Variants in UGT3A1 observed in about 807,000 individuals in gnomAD.
The protein encoded by UGT3A1 is UDP glycosyltransferase family 3 member A1.
A neutral mutation model predicts 37.6 loss-of-function variants in UGT3A1; 40 were observed. The observed-to-expected ratio is 1.06, with a 90% CI of 0.83 to 1.38. The LOEUF (loss-of-function observed/expected upper bound fraction) is 1.38, where lower values mean the gene tolerates loss of function less well. Among genes scored for constraint, UGT3A1 ranks in the 40% most tolerant of loss-of-function variants. UGT3A1 has a pLI of 0.00. For synonymous variants in UGT3A1, 256 were observed against 232.3 expected, an observed-to-expected ratio of 1.10 and a Z score of -0.93; for missense variants, 642 against 634.2, an observed-to-expected ratio of 1.01 and a Z score of -0.13.
At chr5:35,994,961 G>A (rs1741060146), upstream of UGT3A1, among the ~76,000 whole-genome samples, 5 of 152,156 alleles carry the variant, frequency 3.3e-5, no homozygotes, top group Admixed American at 3.3e-4. Context: ...CTTTTGATAT[G>A]CCCAAATTAG....
intron 2 of UGT3A1, among the ~76,000 whole-genome samples, chr5:35,983,978 T>C (rs1354415447): frequency 6.6e-6 from 1 of 152,182 alleles, no homozygotes; most frequent in Non-Finnish European, 1.5e-5. Context: ...AAGCCTTTCC[T>C]CTAAGATCTG....
chr5:35,974,717 G>A (rs921652450), intron 2 of UGT3A1, among the ~76,000 whole-genome samples: 1 of 152,192 alleles, frequency 6.6e-6, no homozygotes, highest in African/African-American at 2.4e-5. Flanking sequence ...CTATTGATCT[G>A]GCAAATTTTT....
At chr5:35,979,883 T>C (rs1410972576) in intron 2 of UGT3A1, among the ~76,000 whole-genome samples, 3 of 152,214 alleles carry the variant, frequency 2.0e-5, no homozygotes, top group African/African-American at 7.2e-5. Context: ...ATGTCTTACA[T>C]CACAGCAGGC....
chr5:35,989,481 G>T (rs116643537), intron 1 of UGT3A1, among the ~76,000 whole-genome samples: 4 of 152,184 alleles, frequency 2.6e-5, no homozygotes, highest in Admixed American at 2.6e-4. Flanking sequence ...GAAATAGTGC[G>T]CAGCTGTCTG....
intron 4 of UGT3A1, among the ~76,000 whole-genome samples, chr5:35,958,867 C>G (rs1001659993): frequency 2.0e-5 from 3 of 152,144 alleles, no homozygotes; most frequent in Non-Finnish European, 4.4e-5. Flanking sequence ...ACTGGTTTGT[C>G]TCACCTAATT....
chr5:35,953,879 G>A lies in UGT3A1; in HGVS notation c.*323C>T. ...TATGAAAAGTGATAGAAGGAGAAATGGGGACTGGAAACTGGGAAGTCATCT... is the reference window on the plus strand; with the variant it reads ...TATGAAAAGTGATAGAAGGAGAAATAGGGACTGGAAACTGGGAAGTCATCT... On this transcript the variant is annotated 3_prime_UTR_variant, in exon 7 of 7. Coordinates refer to ENST00000274278, the MANE Select transcript of UGT3A1 (RefSeq NM_152404.4). The A allele has an allele frequency of 3.9e-6, 1 of 259,166 alleles. No individual in the cohort carries two copies. The highest frequency in any genetic ancestry group is 7.4e-6 in the Non-Finnish European group (1 of 135,630). 16.1% of individuals were successfully genotyped at this position (259,166 alleles called of 1,614,324 possible).
intron 2 of UGT3A1, among the ~76,000 whole-genome samples, chr5:35,979,194 T>C (rs971149233): frequency 6.6e-6 from 1 of 152,022 alleles, no homozygotes; most frequent in East Asian, 1.9e-4. Context: ...CCCCACTATC[T>C]TGGGGATTAA....
intron 2 of UGT3A1, among the ~76,000 whole-genome samples, chr5:35,980,367 T>C (rs1740472135): frequency 6.6e-6 from 1 of 152,156 alleles, no homozygotes. Flanking sequence ...ATGGAGAAGG[T>C]AGCCACATCT....
intron 4 of UGT3A1, among the ~76,000 whole-genome samples, chr5:35,957,734 G>C (rs1449916178): frequency 6.6e-6 from 1 of 152,138 alleles, no homozygotes; most frequent in Non-Finnish European, 1.5e-5. Flanking sequence ...CACAGAAAAC[G>C]CTTTGATGAG....
chr5:35,993,914 CA>C (rs1561476134), upstream of UGT3A1, among the ~76,000 whole-genome samples: 2 of 32,466 alleles, frequency 6.2e-5, no homozygotes, highest in East Asian at 7.4e-4. Context: ...ATTAAACAAA[CA>C]AACAAACAAA....
At chr5:35,990,336 T>C (rs895223250) in intron 1 of UGT3A1, among the ~76,000 whole-genome samples, 1 of 152,042 alleles carries the variant, frequency 6.6e-6, no homozygotes, top group Non-Finnish European at 1.5e-5. Flanking sequence ...TGATTCTCCG[T>C]GATCTAAAAG....
upstream of UGT3A1, among the ~76,000 whole-genome samples, chr5:35,994,981 G>C (rs991350721): frequency 1.3e-5 from 2 of 152,156 alleles, no homozygotes; most frequent in Non-Finnish European, 2.9e-5. Flanking sequence ...GTGTAACTGT[G>C]AACCAGGATG....
chr5:35,970,726 A>G (rs1042004591), intron 2 of UGT3A1, among the ~76,000 whole-genome samples: 2 of 152,202 alleles, frequency 1.3e-5, no homozygotes, highest in Admixed American at 6.5e-5. Flanking sequence ...ATTATTAACA[A>G]TGCCCAAAAT....
At position 35,977,044 on chromosome 5, in the gene UGT3A1, G is replaced by GA. The variant is rs1359507088; in HGVS notation, c.197-8912_197-8911insT. On this transcript the variant is annotated intron_variant, in intron 2 of 6. Coordinates refer to ENST00000274278, the MANE Select transcript of UGT3A1 (RefSeq NM_152404.4). ...AGAGAGAAAGAAAGAAAGAGAGAAA[G>GA]GGAGAAAGAGAAGAGAAAGAGAAAG... Among the ~76,000 whole-genome samples, 999 of 145,968 alleles carry GA rather than the reference G, an allele frequency of 6.8e-3. 39 individuals carry two copies. Among genetic ancestry groups the GA allele is most frequent in the African/African-American group, 0.024 (943 of 38,540 alleles).
chr5:35,955,889 G>C, intron 5 of UGT3A1, 25 bp from the exon 6 acceptor site: 2 of 1,609,714 alleles, frequency 1.2e-6, no homozygotes, highest in Non-Finnish European at 1.7e-6. Context: ...AAAGAGAGTG[G>C]AACACTTCAG....
At chr5:35,957,131 G>T in intron 5 of UGT3A1, 57 bp downstream of exon 5, 1 of 1,478,816 alleles carries the variant, frequency 6.8e-7, no homozygotes, top group Non-Finnish European at 9.4e-7. Flanking sequence ...TCAGAACACT[G>T]ACGAGCACCA....
At chr5:35,964,460 A>G (rs1173377597) in intron 4 of UGT3A1, among the ~76,000 whole-genome samples, 1 of 151,986 alleles carries the variant, frequency 6.6e-6, no homozygotes, top group Non-Finnish European at 1.5e-5. Context: ...CCTACCACCA[A>G]TGCAAAGTCC....
Position 35,965,623 on chromosome 5 carries a change from C to G in UGT3A1, c.606G>C (p.Lys202Asn). The change falls in exon 4 of 7, where the codon AAG becomes AAC. Residue 202 changes from lysine (K) to asparagine (N), a missense_variant. Lys to Asn is a moderately conservative substitution (Grantham distance 94). Transcript: ENST00000274278. ...AGAAACTAAAGAACATCAGAAAATT[C>G]TTCACTCGGCCCCAGAAGTCCATGT... ...TDHMDFWGRV[K>N]NFLMFFSFSR... is the part of the protein sequence containing the mutation. 6.2e-7 allele frequency: 1 copy of G among 1,614,176 alleles called. No individual in the cohort carries two copies. Among genetic ancestry groups the G allele is most frequent in the Non-Finnish European group, 8.5e-7 (1 of 1,180,048 alleles).
intron 5 of UGT3A1, among the ~76,000 whole-genome samples, chr5:35,956,221 AT>A (rs1372694714): frequency 2.6e-5 from 4 of 152,212 alleles, no homozygotes; most frequent in African/African-American, 9.6e-5. Flanking sequence ...CCTACACTGT[AT>A]GTGCTGTTTT....
Sources: gnomAD v4.1 joint callset for allele counts (sites outside exome capture counted in the v4.1 genomes callset) on GRCh38, gnomAD v4.1.1 for gene constraint, MANE v1.5 for transcripts, NCBI Gene and HGNC (gene_info 2026-07-23, HGNC 2026-07-21) for gene names.